TEX264: variants seen among roughly 807,000 people sequenced by gnomAD.
TEX264 encodes the protein testis expressed 264, ER-phagy receptor.
Under a neutral mutation model 23.4 loss-of-function variants are expected in TEX264, and 13 were observed. The observed-to-expected ratio is 0.56, with a 90% CI of 0.36 to 0.88. The LOEUF is 0.88. Ranked by LOEUF, TEX264 falls within the 40% of genes least tolerant of loss-of-function variation. The probability of loss-of-function intolerance (pLI) is 0.01; values close to 1 mark genes in which losing one functional copy is unlikely to be tolerated. For missense variants in TEX264, 340 were observed against 406.8 expected (o/e 0.84, Z 1.41); for synonymous variants, 159 against 170.0 (o/e 0.94, Z 0.50).
intron 3 of TEX264, among the ~76,000 whole-genome samples, chr3:51,696,387 C>T (rs1010888905): frequency 6.6e-6 from 1 of 152,180 alleles, no homozygotes; most frequent in African/African-American, 2.4e-5. Context: ...GAGGGAGAGG[C>T]AGCTGGCCTC....
At chr3:51,679,187 G>C (rs1386386171) in intron 2 of TEX264, among the ~76,000 whole-genome samples, 3 of 152,198 alleles carry the variant, frequency 2.0e-5, no homozygotes, top group African/African-American at 7.2e-5. Flanking sequence ...TGGCCTGTCT[G>C]AGTATGTCTC....
chr3:51,693,787 T>C (rs1028223874), intron 3 of TEX264, among the ~76,000 whole-genome samples: 7 of 152,134 alleles, frequency 4.6e-5, no homozygotes, highest in African/African-American at 7.2e-5. Context: ...GCCTCCATTA[T>C]GTTTTCTACT....
chr3:51,675,099 T>C (rs991752205), intron 2 of TEX264, among the ~76,000 whole-genome samples: 42 of 152,330 alleles, frequency 2.8e-4, no homozygotes, highest in African/African-American at 9.9e-4. Flanking sequence ...CCTGGTGATA[T>C]GGCATTTCCT....
chr3:51,684,583 C>T lies in TEX264; in HGVS notation c.429C>T (p.Ser143=). The part of the protein sequence containing the change: ...TATFPYTTIL[S]IWLATRRVHP... ...CCTTCCCCTACACCACCATTCTGTC[C>T]ATCTGGCTGGCTACCCGCCGTGTCC... The change falls in exon 3 of 5, where the codon TCC becomes TCT. Residue 143 remains serine, a synonymous_variant. Transcript: ENST00000341333. 1 of 1,614,248 alleles carries T rather than the reference C, an allele frequency of 6.2e-7. No individual in the cohort carries two copies. Among genetic ancestry groups the T allele is most frequent in the South Asian group, 1.1e-5 (1 of 91,088 alleles).
intron 3 of TEX264, among the ~76,000 whole-genome samples, chr3:51,690,945 G>A (rs1455702053): frequency 6.6e-6 from 1 of 152,234 alleles, no homozygotes; most frequent in Admixed American, 6.5e-5. Context: ...ATGGCTATAT[G>A]CCTTTTGCCA....
Position 51,704,143 on chromosome 3 carries a change from C to A in TEX264, c.*127C>A. 2 of 874,478 alleles carry A rather than the reference C, an allele frequency of 2.3e-6. No homozygotes were observed. The highest frequency in any genetic ancestry group is 1.6e-6 in the Non-Finnish European group (1 of 643,272). The allele number at this position is 874,478 out of a possible 1,614,324, so 54.2% of individuals were successfully genotyped here. ...TTCCTGAGGGACCTGACTTCCCCTG[C>A]TCCAGGCCTCTTGCTAAGCCTTCTC... On this transcript the variant is annotated 3_prime_UTR_variant, in exon 5 of 5. Transcript: ENST00000341333.
chr3:51,697,920 T>TAA (rs1703132864), intron 3 of TEX264, among the ~76,000 whole-genome samples: 1 of 152,162 alleles, frequency 6.6e-6, no homozygotes, highest in Admixed American at 6.5e-5. Context: ...CTCCAACTAT[T>TAA]AAAAAATAAT....
chr3:51,701,025 G>T (rs1185136765), intron 4 of TEX264, among the ~76,000 whole-genome samples: 4 of 152,252 alleles, frequency 2.6e-5, no homozygotes, highest in African/African-American at 9.6e-5. Flanking sequence ...CTTAGGCCGG[G>T]AGGTGAAAGG....
chr3:51,703,966 A>G lies in TEX264; in HGVS notation c.892A>G (p.Thr298Ala), dbSNP rs762773045. ...RLDPGTEPLG[T>A]TKWLWEPTAP... ...GGACCCTGGGACTGAGCCCCTGGGGACTACCAAGTGGCTCTGGGAGCCCAC... is the reference window on the plus strand; with the variant it reads ...GGACCCTGGGACTGAGCCCCTGGGGGCTACCAAGTGGCTCTGGGAGCCCAC... The change falls in exon 5 of 5, where the codon ACT (threonine) becomes GCT (alanine). Residue 298 changes from threonine to alanine, a missense_variant. Physicochemically the swap from Thr to Ala is moderately conservative, Grantham distance 58. Transcript: ENST00000341333. This position sits in a 1 kb window ranked among gnomAD's most constrained non-coding sequence, Gnocchi z 4.8. 5 of 1,569,556 alleles carry G rather than the reference A, an allele frequency of 3.2e-6. No homozygotes were observed. Among genetic ancestry groups the G allele is most frequent in the Non-Finnish European group, 4.3e-6 (5 of 1,153,058 alleles).
At chr3:51,673,608 C>T (rs964658930) in intron 1 of TEX264, among the ~76,000 whole-genome samples, 2 of 152,230 alleles carry the variant, frequency 1.3e-5, no homozygotes, top group Non-Finnish European at 2.9e-5. Context: ...GTTCTGCCTG[C>T]TCAGGCCGCT....
intron 3 of TEX264, among the ~76,000 whole-genome samples, chr3:51,695,488 G>A (rs2107010144): frequency 1.3e-5 from 2 of 152,322 alleles, no homozygotes; most frequent in East Asian, 3.9e-4. Context: ...ACAGGGTGAT[G>A]TCCTGAATAC....
chr3:51,696,119 G>C (rs1703048142), intron 3 of TEX264, among the ~76,000 whole-genome samples: 2 of 152,206 alleles, frequency 1.3e-5, no homozygotes, highest in African/African-American at 4.8e-5. Flanking sequence ...GTCTCCTTGG[G>C]TCTGTGTGTG....
chr3:51,684,168 G>T (rs1240751661), intron 2 of TEX264: 16 of 540,424 alleles, frequency 3.0e-5, no homozygotes, highest in Non-Finnish European at 4.6e-5. Flanking sequence ...TGATCCCTGG[G>T]TTTCCACAGG....
intron 4 of TEX264, among the ~76,000 whole-genome samples, chr3:51,702,751 C>T (rs916735842): frequency 2.6e-5 from 4 of 152,226 alleles, no homozygotes; most frequent in African/African-American, 9.6e-5. Context: ...TGTGTTCCTC[C>T]TTGCCACCCC....
intron 3 of TEX264, among the ~76,000 whole-genome samples, chr3:51,692,448 C>T (rs969614601): frequency 6.6e-6 from 1 of 152,128 alleles, no homozygotes; most frequent in Non-Finnish European, 1.5e-5. Flanking sequence ...GAGCAGAGGT[C>T]AGAGGTACCA....
At chr3:51,673,051 G>A (rs901610715) in intron 1 of TEX264, among the ~76,000 whole-genome samples, 2 of 152,172 alleles carry the variant, frequency 1.3e-5, no homozygotes, top group African/African-American at 2.4e-5. Context: ...AGCAAATACT[G>A]TGTGCTCATT....
chr3:51,687,544 C>T (rs535177289), intron 3 of TEX264, among the ~76,000 whole-genome samples: 2 of 152,344 alleles, frequency 1.3e-5, no homozygotes, highest in South Asian at 2.1e-4. Flanking sequence ...TGTGTGCGTG[C>T]GCGTGTGTAC....
intron 1 of TEX264, among the ~76,000 whole-genome samples, chr3:51,673,806 C>T (rs891219846): frequency 2.0e-5 from 3 of 152,146 alleles, no homozygotes; most frequent in African/African-American, 7.2e-5. Context: ...TAGCATTTGC[C>T]AGTCCTCCCT....
intron 2 of TEX264, among the ~76,000 whole-genome samples, chr3:51,678,086 C>T (rs1702290357): frequency 6.6e-6 from 1 of 152,134 alleles, no homozygotes; most frequent in Non-Finnish European, 1.5e-5. Context: ...TCACAGATCT[C>T]CCTTACACAC....
Sources: allele counts gnomAD v4.1 joint callset (sites outside exome capture counted in the v4.1 genomes callset), GRCh38; gene constraint gnomAD v4.1.1; non-coding constraint Gnocchi (gnomAD v3.1); transcripts MANE v1.5; gene names NCBI Gene and HGNC (gene_info 2026-07-23, HGNC 2026-07-21).